NUP98: variants seen among roughly 807,000 people sequenced by gnomAD.
NUP98 encodes nuclear pore complex protein Nup98-Nup96.
NUP98 carries 26 observed loss-of-function variants against 191.9 expected under a neutral mutation model. That is an observed-to-expected ratio of 0.14 (90% confidence interval 0.10 to 0.19). The LOEUF (loss-of-function observed/expected upper bound fraction) is 0.19. NUP98 is among the 10% of genes least tolerant of loss of function. The probability of loss-of-function intolerance (pLI) is 1.00; values close to 1 mark genes in which losing one functional copy is unlikely to be tolerated. For synonymous variants in NUP98, 808 were observed against 778.4 expected, an observed-to-expected ratio of 1.04 and a Z score of -0.63; for missense variants, 1,941 against 2,178.8, an observed-to-expected ratio of 0.89 and a Z score of 2.17.
chr11:3,793,734 G>A (rs1242235696), intron 1 of NUP98, among the ~76,000 whole-genome samples: 2 of 152,022 alleles, frequency 1.3e-5, no homozygotes, highest in Non-Finnish European at 2.9e-5. Context: ...ACTTTGGGAG[G>A]CCAAAGCGGG....
chr11:3,708,475 G>C lies in NUP98; in HGVS notation c.2743-1848C>G, dbSNP rs547687635. Among the ~76,000 whole-genome samples the C allele has an allele frequency of 3.3e-5, 5 of 152,224 alleles. No homozygotes were observed. The South Asian group carries it at 6.2e-4, about 19-fold the overall frequency. ...GTTTACGAAGAATGCTAAGGATCAA[G>C]GTTTTATTTATTCTATTCACACAAA... On this transcript the variant is annotated intron_variant, in intron 20 of 32. Transcript: ENST00000324932.
At chr11:3,690,826 A>G (rs2078289593) in intron 28 of NUP98, among the ~76,000 whole-genome samples, 1 of 152,114 alleles carries the variant, frequency 6.6e-6, no homozygotes, top group Non-Finnish European at 1.5e-5. Context: ...AGATACATAA[A>G]CCATGTACCC....
At chr11:3,784,872 C>CA (rs1160594646) in intron 1 of NUP98, among the ~76,000 whole-genome samples, 1 of 152,162 alleles carries the variant, frequency 6.6e-6, no homozygotes. Flanking sequence ...CGCGGTGGCT[C>CA]ACACCTGTAA....
chr11:3,796,394 T>C (rs1170195639), intron 1 of NUP98, among the ~76,000 whole-genome samples: 1 of 152,292 alleles, frequency 6.6e-6, no homozygotes, highest in East Asian at 1.9e-4. Flanking sequence ...GTCAAAAAAT[T>C]CAGATTTAGA....
chr11:3,679,435 T>G, intron 31 of NUP98, 119 bp downstream of exon 31: 1 of 1,158,208 alleles, frequency 8.6e-7, no homozygotes, highest in South Asian at 1.2e-5. Context: ...GATGCCTGCT[T>G]TGACAGTGCT....
chr11:3,791,799 G>C (rs4910806), intron 1 of NUP98, among the ~76,000 whole-genome samples: 1 of 147,476 alleles, frequency 6.8e-6, no homozygotes, highest in African/African-American at 2.5e-5. Flanking sequence ...CCGAGATCAC[G>C]ACACTGCACT....
chr11:3,712,290 C>T (rs2079042488), intron 20 of NUP98: 1 of 1,207,994 alleles, frequency 8.3e-7, no homozygotes, highest in East Asian at 3.6e-5. Flanking sequence ...GCAGAGAATT[C>T]AGCAAGTCCA....
At chr11:3,686,917 G>A (rs1244830624) in intron 28 of NUP98, among the ~76,000 whole-genome samples, 1 of 152,076 alleles carries the variant, frequency 6.6e-6, no homozygotes, top group Non-Finnish European at 1.5e-5. Context: ...AACCCAGGAG[G>A]CGGAGGTTGT....
At chr11:3,735,139 T>G (rs1196094891) in intron 13 of NUP98, 52 bp downstream of exon 13, 16 of 1,484,636 alleles carry the variant, frequency 1.1e-5, no homozygotes, top group African/African-American at 1.4e-5. Flanking sequence ...TTCTGCACAT[T>G]CAGTTTCTCT....
rs1015348711 is a variant in NUP98, at chr11:3,676,204, G to C, written c.5358C>G (p.Ser1786Arg). Reference sequence around the variant, plus strand: ...GTTCTCGCAGATAGGACTGGGTAAGGCTGCGCAGTTCGTCCATGGCATAGT... The same window carrying C: ...GTTCTCGCAGATAGGACTGGGTAAGCCTGCGCAGTTCGTCCATGGCATAGT... ...PEDYAMDELR[S>R]LTQSYLRELA... The change falls in exon 33 of 33, where the codon AGC becomes AGG. Residue 1786 changes from serine to arginine, a missense_variant. Transcript: ENST00000324932. 16 of 1,614,054 alleles carry C rather than the reference G, an allele frequency of 9.9e-6. No homozygotes were observed. The highest frequency in any genetic ancestry group is 1.3e-5 in the African/African-American group (1 of 74,940).
rs2077765037 is a variant in NUP98, at chr11:3,675,077, C to G, written c.*1082G>C. ...TAGCTTCAGAAAAAGAGGAAAATAT[C>G]TAGATCATTTATTTATACATATATA... On this transcript the variant is annotated 3_prime_UTR_variant, in exon 33 of 33. Transcript: ENST00000324932. The G allele has an allele frequency of 5.6e-6, 1 of 177,996 alleles. No individual in the cohort carries two copies. Among genetic ancestry groups the G allele is most frequent in the South Asian group, 2.0e-4 (1 of 5,052 alleles). 11.0% of individuals were successfully genotyped at this position (177,996 alleles called of 1,614,324 possible).
chr11:3,754,307 A>C (rs1225728414), intron 10 of NUP98, among the ~76,000 whole-genome samples: 1 of 151,878 alleles, frequency 6.6e-6, no homozygotes, highest in Non-Finnish European at 1.5e-5. Context: ...ATGCCTATAA[A>C]CCCAGCTACT....
intron 10 of NUP98, among the ~76,000 whole-genome samples, chr11:3,758,436 G>C (rs894933009): frequency 5.3e-5 from 8 of 152,158 alleles, no homozygotes; most frequent in Non-Finnish European, 1.0e-4. Flanking sequence ...TAATAGAAAA[G>C]GTTGAGAAAC....
intron 14 of NUP98, among the ~76,000 whole-genome samples, chr11:3,728,004 G>C (rs1465584687): frequency 6.6e-6 from 1 of 152,120 alleles, no homozygotes; most frequent in Non-Finnish European, 1.5e-5. Flanking sequence ...CTGGGTGACA[G>C]AGTAAGACCC....
Position 3,695,432 on chromosome 11 carries a change from G to A in NUP98, c.4167+17C>T, listed in dbSNP as rs770549142. 35 of 1,515,006 alleles carry A rather than the reference G, an allele frequency of 2.3e-5. No individual in the cohort carries two copies. In the East Asian group the frequency reaches 7.7e-4, roughly 33 times the overall value. 93.8% of individuals were successfully genotyped at this position (1,515,006 alleles called of 1,614,324 possible). A position where few individuals can be genotyped will look rare whatever the true frequency, so the allele number is the denominator to read the frequency against. ...GAAAAAACCAATGTGAGATATTATG[G>A]TAAAAGTAGAAGATACCGGTTTTCC... On this transcript the variant is annotated intron_variant, in intron 26 of 32. Coordinates refer to ENST00000324932, the MANE Select transcript of NUP98 (RefSeq NM_016320.5).
At chr11:3,769,357 T>G (rs924045186) in intron 7 of NUP98, among the ~76,000 whole-genome samples, 2 of 151,716 alleles carry the variant, frequency 1.3e-5, no homozygotes, top group South Asian at 4.2e-4. Context: ...GCCTGGGAGT[T>G]TGAGGCAGCG....
chr11:3,744,353 GGATCTATTAATAA>G lies in NUP98; in HGVS notation c.1408+143_1408+155del, dbSNP rs199599352. Among the ~76,000 whole-genome samples, 197 of 152,320 alleles carry G rather than the reference GGATCTATTAATAA, an allele frequency of 1.3e-3. 3 individuals are homozygous for G. The East Asian group carries it at 0.031, about 24-fold the overall frequency. On this transcript the variant is annotated intron_variant, in intron 12 of 32. Coordinates refer to ENST00000324932, the MANE Select transcript of NUP98 (RefSeq NM_016320.5). ...GGAGCTGGGAAAGCAGAGTAGGCCA[GGATCTATTAATAA>G]GCCCTTCTTTACTACCCAATTGTTT... is the stretch of plus-strand genomic sequence containing the variant.
rs550986657 is a variant in NUP98 at position 3,744,719 on chromosome 11, C to T, written c.1268-70G>A. On this transcript the variant is annotated intron_variant, in intron 11 of 32. Transcript: ENST00000324932. ...TCAATGTTGTGCCAGAGGTCAGTTACTTAAAAATATAATACATTTGGAAAC... is the reference window on the plus strand; with the variant it reads ...TCAATGTTGTGCCAGAGGTCAGTTATTTAAAAATATAATACATTTGGAAAC... 14 of 1,519,278 alleles carry T rather than the reference C, an allele frequency of 9.2e-6. No individual in the cohort carries two copies. The African/African-American group carries it at 1.1e-4, about 12-fold the overall frequency. The allele number at this position is 1,519,278 out of a possible 1,614,324, so 94.1% of individuals were successfully genotyped here.
intron 8 of NUP98, among the ~76,000 whole-genome samples, chr11:3,767,027 A>G (rs912352154): frequency 1.3e-5 from 2 of 152,132 alleles, no homozygotes; most frequent in Middle Eastern, 3.4e-3. Context: ...TGCAGTGGCA[A>G]AATCTCGGCT....
Sources: allele counts gnomAD v4.1 joint callset (sites outside exome capture counted in the v4.1 genomes callset), GRCh38; gene constraint gnomAD v4.1.1; transcripts MANE v1.5; gene names NCBI Gene and HGNC (gene_info 2026-07-23, HGNC 2026-07-21).